The following DMD variants were observed in gnomAD, a reference collection of about 807,000 sequenced individuals.
DMD encodes dystrophin.
In DMD, 63 loss-of-function variants were observed where a neutral mutation model predicts 330.1. The ratio of observed to expected loss-of-function variants is 0.19; its 90% CI spans 0.16 to 0.24. The LOEUF is 0.24. Ranked by LOEUF, DMD falls within the 10% of genes least tolerant of loss-of-function variation. The pLI is 1.00. For missense variants in DMD, 3,344 were observed against 2,684.1 expected (o/e 1.25, Z -5.43); for synonymous variants, 1,223 against 959.8 (o/e 1.27, Z -5.07).
chrX:32,423,439 G>T (rs1329989246), intron 29 of DMD, among the ~76,000 whole-genome samples: 1 of 109,650 alleles, frequency 9.1e-6, no homozygotes, highest in Non-Finnish European at 1.9e-5. Flanking sequence ...ATATTGAAAT[G>T]CAGTACATGA....
chrX:31,450,626 A>C (rs1221755323), intron 59 of DMD, among the ~76,000 whole-genome samples: 1 of 112,138 alleles, frequency 8.9e-6, no homozygotes, highest in Admixed American at 9.5e-5. Context: ...TTTCTTTCAG[A>C]TACCTACTGC....
chrX:33,026,214 A>G (rs1293915095), intron 1 of DMD, among the ~76,000 whole-genome samples: 11 of 101,697 alleles, frequency 1.1e-4, no homozygotes, highest in Admixed American at 7.7e-4. Flanking sequence ...GGGCGCCTGT[A>G]GTCCCAGCTA....
chrX:31,991,761 TA>T (rs35367607), intron 44 of DMD, among the ~76,000 whole-genome samples: 1,159 of 88,629 alleles, frequency 0.013, 18 homozygotes, highest in African/African-American at 0.036. Flanking sequence ...TTACAGACTT[TA>T]AAAAAAAAAA....
Position 33,197,348 on chromosome X carries a change from A to G in DMD, c.31+13934T>C, listed in dbSNP as rs750104679. On this transcript the variant is annotated intron_variant, in intron 1 of 78. Coordinates refer to ENST00000357033, the MANE Select transcript of DMD (RefSeq NM_004006.3). ...CCCAATGTTGATACCATGTATAACTATAGTACAATATAAAAACTGGGAAAT... is the reference window on the plus strand; with the variant it reads ...CCCAATGTTGATACCATGTATAACTGTAGTACAATATAAAAACTGGGAAAT... 1.5e-4 allele frequency among the ~76,000 whole-genome samples: 17 copies of G among 112,460 alleles called. No homozygotes were observed. The South Asian group carries it at 6.2e-3, about 41-fold the overall frequency.
chrX:33,126,526 A>G (rs141059295), intron 1 of DMD, among the ~76,000 whole-genome samples: 1,966 of 111,744 alleles, frequency 0.018, 50 homozygotes, highest in African/African-American at 0.06. Flanking sequence ...CTCAAGGAAG[A>G]GTGAGAACCA....
intron 48 of DMD, among the ~76,000 whole-genome samples, chrX:31,856,528 G>A (rs2093615550): frequency 8.9e-6 from 1 of 112,201 alleles, no homozygotes; most frequent in Non-Finnish European, 1.9e-5. Flanking sequence ...TTTTTATGGA[G>A]TCCAAAGTTC....
At chrX:31,705,059 T>A (rs2084080462) in intron 52 of DMD, among the ~76,000 whole-genome samples, 1 of 112,295 alleles carries the variant, frequency 8.9e-6, no homozygotes, top group Non-Finnish European at 1.9e-5. Flanking sequence ...GTAAAGATTT[T>A]GGTCTTCAAC....
At chrX:32,971,395 G>A (rs949192140) in intron 2 of DMD, among the ~76,000 whole-genome samples, 1 of 111,539 alleles carries the variant, frequency 9.0e-6, no homozygotes, top group Non-Finnish European at 1.9e-5. Context: ...TAAATACTTG[G>A]TCACACTATA....
chrX:33,319,028 A>G (rs2053975337), intron 1 of DMD, among the ~76,000 whole-genome samples: 1 of 109,918 alleles, frequency 9.1e-6, no homozygotes. Context: ...GTTTGGGATT[A>G]GTACCCTTAT....
chrX:31,567,597 C>G (rs959651866), intron 55 of DMD, among the ~76,000 whole-genome samples: 4 of 111,263 alleles, frequency 3.6e-5, no homozygotes, highest in Non-Finnish European at 7.6e-5. Flanking sequence ...TAAACTTTGA[C>G]GCATGTTATT....
At chrX:32,966,555 G>A (rs1170533497) in intron 2 of DMD, among the ~76,000 whole-genome samples, 1 of 111,737 alleles carries the variant, frequency 8.9e-6, no homozygotes, top group East Asian at 2.8e-4. Flanking sequence ...ACAGAGAACA[G>A]ATTAAAACAC....
At chrX:31,691,721 T>C (rs1437730018) in intron 52 of DMD, among the ~76,000 whole-genome samples, 1 of 111,984 alleles carries the variant, frequency 8.9e-6, no homozygotes, top group Non-Finnish European at 1.9e-5. Flanking sequence ...TTGATAAAGG[T>C]TATTTCATCA....
At chrX:31,404,433 T>C (rs2061326859) in intron 60 of DMD, among the ~76,000 whole-genome samples, 2 of 111,249 alleles carry the variant, frequency 1.8e-5, no homozygotes, top group South Asian at 3.8e-4. Flanking sequence ...ACCATGTGGA[T>C]GCATTTCTTT....
At chrX:32,486,520 C>CA (rs1215218659) in intron 20 of DMD, among the ~76,000 whole-genome samples, 1 of 110,375 alleles carries the variant, frequency 9.1e-6, no homozygotes, top group Non-Finnish European at 1.9e-5. Context: ...CATATGGAAC[C>CA]AAAAAAGAGC....
intron 30 of DMD, among the ~76,000 whole-genome samples, chrX:32,393,944 G>A (rs1450674258): frequency 9.0e-6 from 1 of 111,193 alleles, no homozygotes; most frequent in Non-Finnish European, 1.9e-5. Context: ...AGTGGATGAC[G>A]AGAGCAGAAA....
intron 1 of DMD, among the ~76,000 whole-genome samples, chrX:33,107,364 AG>A (rs1302610458): frequency 1.9e-5 from 2 of 103,302 alleles, no homozygotes; most frequent in African/African-American, 7.0e-5. Flanking sequence ...CAAAAAACAA[AG>A]TTTGTGTATA....
chrX:31,282,973 AT>A (rs2052736574), intron 62 of DMD, among the ~76,000 whole-genome samples: 1 of 111,656 alleles, frequency 9.0e-6, no homozygotes, highest in Admixed American at 9.5e-5. Context: ...TGGTTCAATA[AT>A]TTTTCTCAAA....
chrX:31,243,358 A>T (rs1286246647), intron 63 of DMD, among the ~76,000 whole-genome samples: 1 of 112,039 alleles, frequency 8.9e-6, no homozygotes, highest in African/African-American at 3.2e-5. Flanking sequence ...AGATCCACTA[A>T]GGATGGATAA....
chrX:31,999,342 A>G (rs1429033431), intron 44 of DMD, among the ~76,000 whole-genome samples: 1 of 111,993 alleles, frequency 8.9e-6, no homozygotes, highest in Non-Finnish European at 1.9e-5. Flanking sequence ...ACTGAAATTG[A>G]TAGCAATGCC....
Sources: allele counts gnomAD v4.1 joint callset (sites outside exome capture counted in the v4.1 genomes callset), GRCh38; gene constraint gnomAD v4.1.1; transcripts MANE v1.5; gene names NCBI Gene and HGNC (gene_info 2026-07-23, HGNC 2026-07-21).